Variants in MYT1L observed in about 807,000 individuals in gnomAD.
MYT1L encodes myelin transcription factor 1 like, also known as myelin transcription factor 1-like protein.
In MYT1L, 12 loss-of-function variants were observed where a neutral mutation model predicts 126.7. The ratio of observed to expected loss-of-function variants is 0.09; its 90% CI spans 0.06 to 0.15. The LOEUF is 0.15. Among genes scored for constraint, MYT1L ranks in the 10% least tolerant of loss-of-function variants. The pLI, the probability that MYT1L is intolerant of heterozygous loss-of-function variation, is 1.00. For synonymous variants in MYT1L, 541 were observed against 604.2 expected, an observed-to-expected ratio of 0.90 and a Z score of 1.53; for missense variants, 979 against 1,585.2, an observed-to-expected ratio of 0.62 and a Z score of 6.49.
chr2:1,869,183 CAG>C (rs1183260134), intron 18 of MYT1L, among the ~76,000 whole-genome samples: 1 of 145,970 alleles, frequency 6.9e-6, no homozygotes, highest in African/African-American at 2.7e-5. Context: ...GTACCTCCAC[CAG>C]AGACAAAGCA....
At chr2:1,930,937 A>G (rs2054878840) in intron 9 of MYT1L, among the ~76,000 whole-genome samples, 1 of 152,224 alleles carries the variant, frequency 6.6e-6, no homozygotes, top group African/African-American at 2.4e-5. Flanking sequence ...ACATCTTAGT[A>G]ACCATCTTCC....
Position 1,806,942 on chromosome 2 carries a change from G to A in MYT1L, c.3172+2134C>T, listed in dbSNP as rs2035818166. On this transcript the variant is annotated intron_variant, in intron 22 of 24. Coordinates refer to ENST00000647738, the MANE Select transcript of MYT1L (RefSeq NM_001303052.2). The surrounding 1 kb of genome is among the most constrained non-coding windows in gnomAD (Gnocchi z 4.9). ...CGCCCGGCATGCAGATGGGGCTTAG[G>A]GAATGTTTTCTTTCTGGCAAGGAGC... 3.9e-5 allele frequency among the ~76,000 whole-genome samples: 6 copies of A among 152,350 alleles called. No homozygotes were observed. In the South Asian group the frequency reaches 1.0e-3, roughly 26 times the overall value.
intron 20 of MYT1L, among the ~76,000 whole-genome samples, chr2:1,840,045 T>C (rs2041456566): frequency 6.6e-6 from 1 of 152,274 alleles, no homozygotes; most frequent in African/African-American, 2.4e-5. Context: ...TCATGTGTCC[T>C]GAGCAGTGAG....
intron 1 of MYT1L, chr2:2,303,847 A>T (rs569293447): frequency 4.9e-4 from 75 of 152,364 alleles, no homozygotes; most frequent in Middle Eastern, 3.4e-3. Flanking sequence ...GTAACGCGAC[A>T]TTCAAGGAAG....
intron 4 of MYT1L, among the ~76,000 whole-genome samples, chr2:1,999,009 G>A (rs1309572455): frequency 1.3e-5 from 2 of 152,198 alleles, no homozygotes; most frequent in African/African-American, 2.4e-5. Flanking sequence ...TCTTCAACGC[G>A]TAAACAATGT....
chr2:1,792,102 G>C (rs1013213851), intron 24 of MYT1L, 95 bp from the exon 25 acceptor site: 2 of 1,215,608 alleles, frequency 1.6e-6, no homozygotes, highest in Admixed American at 3.0e-5. Context: ...TAGTGCCCCT[G>C]GTTTTATACT....
rs1163177604 is a variant in MYT1L, at chr2:1,947,054, TCTGACA to T, written c.153-3726_153-3721del. On this transcript the variant is annotated intron_variant, in intron 8 of 24. Transcript: ENST00000647738. ...CTTCATCAGTGCATCAATATGTTTG[TCTGACA>T]CAGTCTGTTCTGCACTGAGGCCACC... 3.9e-5 allele frequency among the ~76,000 whole-genome samples: 6 copies of T among 152,286 alleles called. No homozygotes were observed. The East Asian group carries it at 1.2e-3, about 29-fold the overall frequency.
intron 2 of MYT1L, among the ~76,000 whole-genome samples, chr2:2,261,844 A>T (rs2094976203): frequency 6.6e-6 from 1 of 152,242 alleles, no homozygotes; most frequent in African/African-American, 2.4e-5. Context: ...GCCAGGAAGG[A>T]GGACATACAC....
chr2:2,304,930 G>A (rs1057124124), intron 1 of MYT1L, among the ~76,000 whole-genome samples: 1 of 152,170 alleles, frequency 6.6e-6, no homozygotes, highest in Admixed American at 6.5e-5. Flanking sequence ...CTGGAATGTG[G>A]CCAGTTTGAG....
At chr2:2,011,679 A>T (rs1033000699) in intron 4 of MYT1L, among the ~76,000 whole-genome samples, 7 of 152,224 alleles carry the variant, frequency 4.6e-5, no homozygotes, top group African/African-American at 1.7e-4. Flanking sequence ...TTATAAATCA[A>T]TAATAGAATG....
intron 8 of MYT1L, among the ~76,000 whole-genome samples, chr2:1,963,280 C>T (rs1307464309): frequency 2.0e-5 from 3 of 152,210 alleles, no homozygotes; most frequent in Non-Finnish European, 4.4e-5. Flanking sequence ...GTGGACTTAA[C>T]ATATTTACTA....
chr2:2,227,505 G>C (rs955763608), intron 2 of MYT1L, among the ~76,000 whole-genome samples: 1 of 152,144 alleles, frequency 6.6e-6, no homozygotes, highest in African/African-American at 2.4e-5. Context: ...CCAGGATGAG[G>C]CTTCCAGGTG....
At chr2:2,010,656 T>A (rs572087103) in intron 4 of MYT1L, among the ~76,000 whole-genome samples, 1 of 152,232 alleles carries the variant, frequency 6.6e-6, no homozygotes, top group East Asian at 1.9e-4. Context: ...AGGGATTACA[T>A]CCATGATCTT....
At chr2:2,013,409 C>A (rs2064035324) in intron 4 of MYT1L, among the ~76,000 whole-genome samples, 1 of 152,202 alleles carries the variant, frequency 6.6e-6, no homozygotes. Context: ...AGCCACTGGG[C>A]TCTGCCTCTT....
intron 3 of MYT1L, among the ~76,000 whole-genome samples, chr2:2,128,834 C>T (rs2082022689): frequency 6.6e-6 from 1 of 152,122 alleles, no homozygotes; most frequent in Admixed American, 6.5e-5. Flanking sequence ...CCTTCATCAT[C>T]CCTTCTAGCC....
rs2048281940 is a variant in MYT1L, at chr2:1,887,301, A to G, written c.2642+187T>C. Among the ~76,000 whole-genome samples the G allele has an allele frequency of 6.6e-6, 1 of 152,222 alleles. No individual in the cohort carries two copies. Among genetic ancestry groups the G allele is most frequent in the Admixed American group, 6.5e-5 (1 of 15,282 alleles). On this transcript the variant is annotated intron_variant, in intron 17 of 24. Coordinates refer to ENST00000647738, the MANE Select transcript of MYT1L (RefSeq NM_001303052.2). This position sits in a 1 kb window ranked among gnomAD's most constrained non-coding sequence, Gnocchi z 4.8. ...TGAAAATGACGCCCCCATCCGACAG[A>G]GCGTCACTGGGAACAGGCAAGTGCA...
chr2:1,858,006 G>A (rs1285656111), intron 18 of MYT1L, among the ~76,000 whole-genome samples: 1 of 152,072 alleles, frequency 6.6e-6, no homozygotes, highest in East Asian at 1.9e-4. Flanking sequence ...GGGATTACGG[G>A]CATGCACCAC....
chr2:2,293,120 C>T lies in MYT1L; in HGVS notation c.-520-8617G>A, dbSNP rs550238635. ...GGCATCTGGAGCCAGAGGGTCCCAG[C>T]TTAGCAGCTCGGGGAAGTAAAGCCT... On this transcript the variant is annotated intron_variant, in intron 1 of 24. Transcript: ENST00000647738. Among the ~76,000 whole-genome samples the T allele has an allele frequency of 1.4e-4, 21 of 152,302 alleles. No individual in the cohort carries two copies. In the South Asian group the frequency reaches 4.4e-3, roughly 32 times the overall value.
chr2:1,986,623 T>C (rs928007855), intron 5 of MYT1L, among the ~76,000 whole-genome samples: 1 of 152,250 alleles, frequency 6.6e-6, no homozygotes, highest in Non-Finnish European at 1.5e-5. Context: ...AGCAGTTTTA[T>C]ATCCATGAAA....
Sources: gnomAD v4.1 joint callset for allele counts (sites outside exome capture counted in the v4.1 genomes callset) on GRCh38, gnomAD v4.1.1 for gene constraint, Gnocchi (gnomAD v3.1) non-coding constraint, MANE v1.5 for transcripts, NCBI Gene and HGNC (gene_info 2026-07-23, HGNC 2026-07-21) for gene names.